Variants in AK8 observed in about 807,000 individuals in gnomAD.
AK8 encodes the protein ATP-AMP transphosphorylase 8.
In AK8, 44 loss-of-function variants were observed where a neutral mutation model predicts 54.6. That is an observed-to-expected ratio of 0.81 (90% CI 0.63 to 1.04). The LOEUF is 1.04. Among genes scored for constraint, AK8 ranks in the 50% least tolerant of loss-of-function variants. AK8 has a pLI of 0.00. For synonymous variants in AK8, 239 were observed against 245.6 expected, an observed-to-expected ratio of 0.97 and a Z score of 0.25; for missense variants, 555 against 613.6, an observed-to-expected ratio of 0.90 and a Z score of 1.01.
intron 5 of AK8, among the ~76,000 whole-genome samples, chr9:132,848,947 C>T (rs916612589): frequency 1.1e-4 from 15 of 142,664 alleles, no homozygotes; most frequent in African/African-American, 3.7e-4. Context: ...CTCACTCTGT[C>T]GCCCAGGCTG....
At chr9:132,848,401 A>C (rs1289454775) in intron 5 of AK8, among the ~76,000 whole-genome samples, 2 of 152,148 alleles carry the variant, frequency 1.3e-5, no homozygotes, top group African/African-American at 2.4e-5. Flanking sequence ...TGACCGACTG[A>C]TGGGTCAGTT....
intron 2 of AK8, among the ~76,000 whole-genome samples, chr9:132,871,033 G>C (rs565799135): frequency 1.3e-5 from 2 of 152,184 alleles, no homozygotes; most frequent in Non-Finnish European, 2.9e-5. Flanking sequence ...ATCATCTGAG[G>C]TCAGGTGTTT....
intron 4 of AK8, among the ~76,000 whole-genome samples, chr9:132,857,314 G>A (rs574914127): frequency 6.6e-5 from 10 of 152,290 alleles, no homozygotes; most frequent in African/African-American, 2.2e-4. Flanking sequence ...GGACGCGGAC[G>A]CTGCTGGTCA....
At chr9:132,777,773 G>A (rs2131113809) in intron 11 of AK8, among the ~76,000 whole-genome samples, 1 of 152,304 alleles carries the variant, frequency 6.6e-6, no homozygotes, top group East Asian at 1.9e-4. Flanking sequence ...CTGCGAGCAA[G>A]GAAGGAAACT....
intron 5 of AK8, among the ~76,000 whole-genome samples, chr9:132,835,267 C>T (rs958207384): frequency 6.6e-5 from 10 of 152,192 alleles, no homozygotes; most frequent in Admixed American, 4.6e-4. Context: ...GAAGAAGACA[C>T]AGTTTGAAGA....
chr9:132,743,857 C>T (rs1204998183), intron 11 of AK8, among the ~76,000 whole-genome samples: 1 of 152,206 alleles, frequency 6.6e-6, no homozygotes, highest in African/African-American at 2.4e-5. Flanking sequence ...GAAGTGTTGC[C>T]TCCAGGCTGG....
chr9:132,828,186 T>A (rs1334404488), intron 6 of AK8, 102 bp from the exon 7 acceptor site: 2 of 1,067,688 alleles, frequency 1.9e-6, no homozygotes, highest in African/African-American at 3.2e-5. Context: ...TTTGCTTTTC[T>A]GTATAATGAC....
chr9:132,766,542 GAATT>G (rs1329679124), intron 11 of AK8, among the ~76,000 whole-genome samples: 1 of 151,970 alleles, frequency 6.6e-6, no homozygotes, highest in African/African-American at 2.4e-5. Flanking sequence ...TGGATTGGAA[GAATT>G]AATATTGTGA....
chr9:132,790,998 T>C lies in AK8; in HGVS notation c.1121+1636A>G, dbSNP rs1449350385. ...AAAAAATGCGAGACCCAAGGAAGTG[T>C]TGATATTTTCACTAGAAGCAAAGAC... On this transcript the variant is annotated intron_variant, in intron 11 of 12. Coordinates refer to ENST00000298545, the MANE Select transcript of AK8 (RefSeq NM_152572.3). The surrounding 1 kb of genome is among the most constrained non-coding windows in gnomAD (Gnocchi z 4.1). Among the ~76,000 whole-genome samples the C allele has an allele frequency of 6.6e-6, 1 of 152,156 alleles. No homozygotes were observed. The highest frequency in any genetic ancestry group is 1.5e-5 in the Non-Finnish European group (1 of 68,016).
At chr9:132,852,406 G>C (rs1478557370) in intron 5 of AK8, among the ~76,000 whole-genome samples, 1 of 152,062 alleles carries the variant, frequency 6.6e-6, no homozygotes, top group African/African-American at 2.4e-5. Flanking sequence ...TCAGGAGATT[G>C]AGACCATCCT....
intron 11 of AK8, among the ~76,000 whole-genome samples, chr9:132,741,859 G>A (rs556082541): frequency 8.5e-5 from 13 of 152,058 alleles, no homozygotes; most frequent in East Asian, 3.9e-4. Context: ...CTGTCTCTAC[G>A]GATTTTCCTA....
At chr9:132,810,462 G>C (rs575325590) in intron 10 of AK8, among the ~76,000 whole-genome samples, 1 of 152,092 alleles carries the variant, frequency 6.6e-6, no homozygotes, top group Non-Finnish European at 1.5e-5. Context: ...GAATTAAGCC[G>C]GCTCTGTACA....
intron 10 of AK8, among the ~76,000 whole-genome samples, chr9:132,797,691 C>T (rs12380018): frequency 6.6e-6 from 1 of 152,020 alleles, no homozygotes; most frequent in Non-Finnish European, 1.5e-5. Flanking sequence ...ATGTGTTTAA[C>T]GTTTTCCACT....
Position 132,781,096 on chromosome 9 carries a change from A to G in AK8, c.1121+11538T>C, listed in dbSNP as rs1281444888. 6.6e-6 allele frequency among the ~76,000 whole-genome samples: 1 copy of G among 152,214 alleles called. No individual in the cohort carries two copies. The highest frequency in any genetic ancestry group is 1.5e-5 in the Non-Finnish European group (1 of 68,036). On this transcript the variant is annotated intron_variant, in intron 11 of 12. Coordinates refer to ENST00000298545, the MANE Select transcript of AK8 (RefSeq NM_152572.3). This position sits in a 1 kb window ranked among gnomAD's most constrained non-coding sequence, Gnocchi z 4.6. ...GCTACAAGCTTGCAGCATGAAATGAATTATTTTACAGCCAGGCAGAGGGCA... is the reference window on the plus strand; with the variant it reads ...GCTACAAGCTTGCAGCATGAAATGAGTTATTTTACAGCCAGGCAGAGGGCA...
intron 11 of AK8, among the ~76,000 whole-genome samples, 191 bp downstream of exon 11, chr9:132,792,443 C>T (rs774858567): frequency 6.6e-6 from 1 of 152,248 alleles, no homozygotes; most frequent in Non-Finnish European, 1.5e-5. Context: ...AGGGTGAAAG[C>T]CAGGATTTGA....
chr9:132,791,245 G>C lies in AK8; in HGVS notation c.1121+1389C>G, dbSNP rs1839935186. Among the ~76,000 whole-genome samples, 1 of 152,140 alleles carries C rather than the reference G, an allele frequency of 6.6e-6. No homozygotes were observed. ...AGGAGAGAGACAGAGAGAGAGCAAAGGGGGAGGTGCCACACTTTAAAACCA... is the reference window on the plus strand; with the variant it reads ...AGGAGAGAGACAGAGAGAGAGCAAACGGGGAGGTGCCACACTTTAAAACCA... On this transcript the variant is annotated intron_variant, in intron 11 of 12. Coordinates refer to ENST00000298545, the MANE Select transcript of AK8 (RefSeq NM_152572.3). The surrounding 1 kb of genome is among the most constrained non-coding windows in gnomAD (Gnocchi z 4.0).
chr9:132,742,270 G>A (rs1322198465), intron 11 of AK8, among the ~76,000 whole-genome samples: 2 of 151,728 alleles, frequency 1.3e-5, no homozygotes, highest in Non-Finnish European at 2.9e-5. Flanking sequence ...GACCTTCCGG[G>A]CTCAAGCGAT....
chr9:132,815,297 G>A (rs1841277393), intron 9 of AK8, among the ~76,000 whole-genome samples: 1 of 152,296 alleles, frequency 6.6e-6, no homozygotes, highest in South Asian at 2.1e-4. Flanking sequence ...GCACCATGTG[G>A]CTGTAATCCC....
At chr9:132,731,032 G>A (rs567045146) in intron 11 of AK8, among the ~76,000 whole-genome samples, 36 of 152,252 alleles carry the variant, frequency 2.4e-4, no homozygotes, top group Admixed American at 5.2e-4. Flanking sequence ...TGGAACTACC[G>A]GGTATGGATC....
Sources: gnomAD v4.1 joint callset for allele counts (sites outside exome capture counted in the v4.1 genomes callset) on GRCh38, gnomAD v4.1.1 for gene constraint, Gnocchi (gnomAD v3.1) non-coding constraint, MANE v1.5 for transcripts, NCBI Gene and HGNC (gene_info 2026-07-23, HGNC 2026-07-21) for gene names.